Variants in SLK observed in about 807,000 individuals in gnomAD.
SLK encodes the protein STE20-like serine/threonine-protein kinase.
A neutral mutation model predicts 147.7 loss-of-function variants in SLK; 67 were observed. The observed-to-expected ratio is 0.45, with a 90% CI of 0.37 to 0.56. SLK has a LOEUF of 0.56. Among genes scored for constraint, SLK ranks in the 20% least tolerant of loss-of-function variants. SLK has a pLI of 0.00. For synonymous variants in SLK, 441 were observed against 475.0 expected (o/e 0.93, Z 0.93); for missense variants, 1,136 against 1,438.8 (o/e 0.79, Z 3.41).
intron 7 of SLK, among the ~76,000 whole-genome samples, chr10:104,000,931 T>TG (rs1844237836): frequency 6.6e-6 from 1 of 151,838 alleles, no homozygotes; most frequent in South Asian, 2.1e-4. Flanking sequence ...TGGTGGCACA[T>TG]GCCTGTAATC....
chr10:104,010,655 C>T (rs1213558234), intron 12 of SLK, among the ~76,000 whole-genome samples, 161 bp from the exon 13 acceptor site: 2 of 152,162 alleles, frequency 1.3e-5, no homozygotes, highest in African/African-American at 4.8e-5. Context: ...TGCATGTTCT[C>T]TTCTTTCATT....
chr10:103,998,902 AT>A lies in SLK; in HGVS notation c.522del (p.Phe174LeufsTer28). ...FTLDGDIKLA[D>X]FGVSAKNTRT... Reference sequence around the variant, plus strand: ...GCTTTTGTGTGATTATTTCAAGCGGATTTTGGAGTATCAGCTAAAAACACGA... The same window carrying A: ...GCTTTTGTGTGATTATTTCAAGCGGATTTGGAGTATCAGCTAAAAACACGA... On this transcript the variant is annotated frameshift_variant, in exon 5 of 19. Transcript: ENST00000369755. LOFTEE classifies it high-confidence loss of function. 6.2e-7 allele frequency: 1 copy of A among 1,609,292 alleles called. No individual in the cohort carries two copies. The highest frequency in any genetic ancestry group is 8.5e-7 in the Non-Finnish European group (1 of 1,175,818).
At chr10:103,971,051 A>G (rs544015490) in intron 1 of SLK, among the ~76,000 whole-genome samples, 6 of 152,132 alleles carry the variant, frequency 3.9e-5, no homozygotes, top group Non-Finnish European at 8.8e-5. Context: ...CATGTTGTGT[A>G]TTTAGTCTGA....
chr10:103,993,484 GCTAA>G (rs1353993328), intron 4 of SLK, among the ~76,000 whole-genome samples: 2 of 152,080 alleles, frequency 1.3e-5, no homozygotes, highest in Non-Finnish European at 2.9e-5. Flanking sequence ...ATGTAAAACT[GCTAA>G]CTCAGTTTTT....
Position 103,995,739 on chromosome 10 carries a change from CTT to C in SLK, c.514+2608_514+2609del, listed in dbSNP as rs1277593593. On this transcript the variant is annotated intron_variant, in intron 4 of 18. Transcript: ENST00000369755. ...CTGCACCCAGTGTAATTAGCCATTT[CTT>C]TAAGAAGCCCTGGTTTCTTTTAGTA... Among the ~76,000 whole-genome samples, 7 of 152,042 alleles carry C rather than the reference CTT, an allele frequency of 4.6e-5. No individual in the cohort carries two copies. In the East Asian group the frequency reaches 1.4e-3, roughly 29 times the overall value.
At chr10:103,969,801 T>C (rs1843769252) in intron 1 of SLK, among the ~76,000 whole-genome samples, 1 of 152,232 alleles carries the variant, frequency 6.6e-6, no homozygotes, top group South Asian at 2.1e-4. Flanking sequence ...CTCCGTTTTC[T>C]TAGCCATAAT....
At chr10:104,009,213 A>G (rs1178963245) in intron 12 of SLK, among the ~76,000 whole-genome samples, 1 of 152,120 alleles carries the variant, frequency 6.6e-6, no homozygotes, top group Non-Finnish European at 1.5e-5. Context: ...CCTTTTCATG[A>G]TATAAAAGAC....
chr10:104,006,779 A>G (rs1844331506), intron 11 of SLK, among the ~76,000 whole-genome samples: 1 of 138,250 alleles, frequency 7.2e-6, no homozygotes, highest in Non-Finnish European at 1.6e-5. Context: ...ATTGTTGATT[A>G]CATGAGTTGG....
At chr10:104,014,182 G>C (rs539329714) in intron 13 of SLK, among the ~76,000 whole-genome samples, 135 of 152,300 alleles carry the variant, frequency 8.9e-4, no homozygotes, top group African/African-American at 2.9e-3. Context: ...CATTTTGATT[G>C]CATATATGTT....
intron 18 of SLK, among the ~76,000 whole-genome samples, chr10:104,024,755 A>G (rs915921737): frequency 6.6e-6 from 1 of 152,196 alleles, no homozygotes; most frequent in African/African-American, 2.4e-5. Context: ...ACAAAATGCC[A>G]TAAACTGGAG....
chr10:103,992,287 T>C (rs1053369226), intron 2 of SLK, among the ~76,000 whole-genome samples: 49 of 151,960 alleles, frequency 3.2e-4, no homozygotes, highest in Admixed American at 2.1e-3. Flanking sequence ...AAATCTTTCA[T>C]TGGTGACCAA....
chr10:104,013,547 A>G (rs1258540857), intron 13 of SLK, among the ~76,000 whole-genome samples: 2 of 152,244 alleles, frequency 1.3e-5, no homozygotes, highest in African/African-American at 4.8e-5. Flanking sequence ...AAGAAACTCA[A>G]CATTTGTATA....
At chr10:103,994,543 G>T (rs1336092882) in intron 4 of SLK, among the ~76,000 whole-genome samples, 1 of 152,006 alleles carries the variant, frequency 6.6e-6, no homozygotes, top group Non-Finnish European at 1.5e-5. Context: ...GGGGATGAGG[G>T]CAATATCACC....
intron 1 of SLK, among the ~76,000 whole-genome samples, chr10:103,981,146 G>A (rs1463425522): frequency 1.3e-5 from 2 of 151,632 alleles, no homozygotes; most frequent in Non-Finnish European, 2.9e-5. Context: ...ATACCTGTTC[G>A]GCTCCTTTGC....
chr10:103,996,400 CT>C (rs555751299), intron 4 of SLK, among the ~76,000 whole-genome samples: 45 of 106,442 alleles, frequency 4.2e-4, no homozygotes, highest in South Asian at 1.8e-3. Flanking sequence ...TTTTTCTTTT[CT>C]TTTTTTTTTT....
intron 12 of SLK, 80 bp from the exon 13 acceptor site, chr10:104,010,736 T>G: frequency 1.2e-6 from 1 of 837,142 alleles, no homozygotes. Flanking sequence ...AATATTTGAC[T>G]TGTAGCTTAT....
chr10:103,970,725 A>G (rs990512156), intron 1 of SLK, among the ~76,000 whole-genome samples: 49 of 152,304 alleles, frequency 3.2e-4, no homozygotes, highest in Non-Finnish European at 1.2e-4. Flanking sequence ...TATGTAGTAG[A>G]AAACTGTTTA....
chr10:103,976,374 G>A (rs534122382), intron 1 of SLK, among the ~76,000 whole-genome samples: 76 of 152,198 alleles, frequency 5.0e-4, no homozygotes, highest in African/African-American at 1.7e-3. Context: ...CATCAGTAGG[G>A]TATGGGAGTT....
intron 15 of SLK, 82 bp from the exon 16 acceptor site, chr10:104,019,652 T>C (rs747936480): frequency 3.9e-5 from 42 of 1,065,616 alleles, no homozygotes; most frequent in Non-Finnish European, 6.0e-5. Flanking sequence ...GAAACAACAA[T>C]AACAAAATGA....
Sources: allele counts gnomAD v4.1 joint callset (sites outside exome capture counted in the v4.1 genomes callset), GRCh38; gene constraint gnomAD v4.1.1; transcripts MANE v1.5; gene names NCBI Gene and HGNC (gene_info 2026-07-23, HGNC 2026-07-21).